The following MSRA variants were observed in gnomAD, a reference collection of about 807,000 sequenced individuals.
The protein encoded by MSRA is mitochondrial peptide methionine sulfoxide reductase.
MSRA carries 54 observed loss-of-function variants against 31.3 expected under a neutral mutation model. The ratio of observed to expected loss-of-function variants is 1.73; its 90% CI spans 1.39 to 2.17. The LOEUF (loss-of-function observed/expected upper bound fraction) is 2.17. Ranked by LOEUF, MSRA falls within the 30% of genes most tolerant of loss-of-function variation. The pLI is 0.00. For synonymous variants in MSRA, 169 were observed against 116.5 expected, an observed-to-expected ratio of 1.45 and a Z score of -2.90; for missense variants, 507 against 300.9, an observed-to-expected ratio of 1.69 and a Z score of -5.07.
intron 4 of MSRA, among the ~76,000 whole-genome samples, chr8:10,303,545 G>A (rs1431254502): frequency 1.3e-5 from 2 of 152,218 alleles, no homozygotes; most frequent in Non-Finnish European, 2.9e-5. Flanking sequence ...GCAAGGGCAT[G>A]GCTAAGGTTG....
At chr8:10,381,310 A>G (rs1326692230) in intron 5 of MSRA, among the ~76,000 whole-genome samples, 1 of 152,104 alleles carries the variant, frequency 6.6e-6, no homozygotes, top group Non-Finnish European at 1.5e-5. Flanking sequence ...TATTCCTAAC[A>G]TAAACCAGTC....
intron 5 of MSRA, among the ~76,000 whole-genome samples, chr8:10,421,260 C>G (rs937309374): frequency 2.6e-5 from 4 of 152,148 alleles, no homozygotes; most frequent in African/African-American, 7.2e-5. Flanking sequence ...CATGCCTGTC[C>G]TCTCCCCCAG....
intron 5 of MSRA, among the ~76,000 whole-genome samples, chr8:10,397,103 A>G (rs1190845622): frequency 6.6e-6 from 1 of 152,146 alleles, no homozygotes; most frequent in African/African-American, 2.4e-5. Context: ...TGTTTTAGCA[A>G]CTATATAGGA....
At chr8:10,138,594 A>G (rs1041604837) in intron 1 of MSRA, among the ~76,000 whole-genome samples, 2 of 152,220 alleles carry the variant, frequency 1.3e-5, no homozygotes, top group Non-Finnish European at 2.9e-5. Context: ...TCTGAATTGC[A>G]AGAATATTTC....
chr8:10,393,587 C>G (rs1451313841), intron 5 of MSRA, among the ~76,000 whole-genome samples: 1 of 152,186 alleles, frequency 6.6e-6, no homozygotes, highest in Non-Finnish European at 1.5e-5. Context: ...GCCATATCAA[C>G]ATGGGATACC....
chr8:10,167,606 C>T (rs1233743493), intron 1 of MSRA, among the ~76,000 whole-genome samples: 1 of 152,140 alleles, frequency 6.6e-6, no homozygotes, highest in African/African-American at 2.4e-5. Context: ...TTCTAGCATG[C>T]AAATTCAAAG....
intron 5 of MSRA, chr8:10,411,246 G>T (rs567204196): frequency 1.3e-5 from 2 of 152,198 alleles, no homozygotes; most frequent in South Asian, 4.1e-4. Flanking sequence ...GCTTTGAGAC[G>T]TCACGCTGAC....
chr8:10,151,485 T>C lies in MSRA; in HGVS notation c.143-56348T>C, dbSNP rs909685854. ...GGTGAAACCCCGTCTCTACTAAAAA[T>C]ACAAAAAATAAAAAATTAGCCGGGC... is the stretch of plus-strand genomic sequence containing the variant. On this transcript the variant is annotated intron_variant, in intron 1 of 5. Transcript: ENST00000317173. 2.6e-5 allele frequency among the ~76,000 whole-genome samples: 4 copies of C among 151,282 alleles called. 1 individual carries two copies. The highest frequency in any genetic ancestry group is 9.7e-5 in the African/African-American group (4 of 41,106).
intron 1 of MSRA, among the ~76,000 whole-genome samples, chr8:10,146,993 A>G (rs1803197418): frequency 6.6e-6 from 1 of 152,188 alleles, no homozygotes; most frequent in Admixed American, 6.5e-5. Context: ...GGAAGCTGGG[A>G]CGCCAGCTGG....
chr8:10,111,977 T>C (rs1309547485), intron 1 of MSRA, among the ~76,000 whole-genome samples: 1 of 152,180 alleles, frequency 6.6e-6, no homozygotes, highest in African/African-American at 2.4e-5. Context: ...TGGCTGCTCT[T>C]GGTGAGATTT....
At chr8:10,073,532 C>G (rs1172013696) in intron 1 of MSRA, among the ~76,000 whole-genome samples, 5 of 148,164 alleles carry the variant, frequency 3.4e-5, no homozygotes, top group East Asian at 2.0e-4. Flanking sequence ...GTTTCACCAA[C>G]TTTTTCTTTT....
At chr8:10,312,366 AGATAT>A (rs1563337986) in intron 4 of MSRA, among the ~76,000 whole-genome samples, 2 of 152,254 alleles carry the variant, frequency 1.3e-5, no homozygotes, top group African/African-American at 4.8e-5. Flanking sequence ...GAAACCAGGA[AGATAT>A]GATAAGCAAC....
At chr8:10,322,734 C>G (rs559482669) in intron 5 of MSRA, among the ~76,000 whole-genome samples, 2 of 152,204 alleles carry the variant, frequency 1.3e-5, no homozygotes, top group South Asian at 4.2e-4. Flanking sequence ...TGGGAGTTGT[C>G]AACTTATATT....
intron 5 of MSRA, among the ~76,000 whole-genome samples, chr8:10,352,216 T>C (rs1046346160): frequency 6.6e-6 from 1 of 152,216 alleles, no homozygotes; most frequent in Non-Finnish European, 1.5e-5. Context: ...TAGGGTTCAG[T>C]TCGTGTAGTG....
chr8:10,121,407 G>A (rs190786183), intron 1 of MSRA, among the ~76,000 whole-genome samples: 1 of 152,296 alleles, frequency 6.6e-6, no homozygotes, highest in Admixed American at 6.5e-5. Flanking sequence ...AAACAACTGT[G>A]CGACTTTCTT....
intron 3 of MSRA, among the ~76,000 whole-genome samples, chr8:10,285,762 G>A (rs970075133): frequency 6.6e-6 from 1 of 151,794 alleles, no homozygotes; most frequent in East Asian, 1.9e-4. Context: ...CCTATGCCTG[G>A]ATTGTTTCAG....
At chr8:10,133,929 C>T (rs1802079743) in intron 1 of MSRA, among the ~76,000 whole-genome samples, 1 of 152,088 alleles carries the variant, frequency 6.6e-6, no homozygotes, top group African/African-American at 2.4e-5. Context: ...CTCCTGGGTT[C>T]AAGTGATTCT....
At chr8:10,306,849 C>T (rs1026467497) in intron 4 of MSRA, among the ~76,000 whole-genome samples, 5 of 152,170 alleles carry the variant, frequency 3.3e-5, no homozygotes, top group Non-Finnish European at 7.3e-5. Context: ...TCTGATTTCT[C>T]AGTTGCAACC....
intron 4 of MSRA, among the ~76,000 whole-genome samples, chr8:10,310,293 A>G (rs1468029883): frequency 1.3e-5 from 2 of 152,338 alleles, no homozygotes; most frequent in Middle Eastern, 3.4e-3. Flanking sequence ...TCTGAAAGGG[A>G]TTTCATTCTT....
Sources: allele counts gnomAD v4.1 joint callset (sites outside exome capture counted in the v4.1 genomes callset), GRCh38; gene constraint gnomAD v4.1.1; transcripts MANE v1.5; gene names NCBI Gene and HGNC (gene_info 2026-07-23, HGNC 2026-07-21).